The following GABBR2 variants were observed in gnomAD, a reference collection of about 807,000 sequenced individuals.
GABBR2 encodes gamma-aminobutyric acid type B receptor subunit 2, also known as G-protein coupled receptor 51.
Under a neutral mutation model 105.6 loss-of-function variants are expected in GABBR2, and 23 were observed. The ratio of observed to expected loss-of-function variants is 0.22; its 90% CI spans 0.16 to 0.31. The LOEUF (loss-of-function observed/expected upper bound fraction) is 0.31. Among genes scored for constraint, GABBR2 ranks in the 10% least tolerant of loss-of-function variants. GABBR2 has a pLI of 1.00. For synonymous variants in GABBR2, 478 were observed against 499.7 expected (o/e 0.96, Z 0.58); for missense variants, 734 against 1,245.5 (o/e 0.59, Z 6.18).
chr9:98,566,366 G>A (rs1380966608), intron 2 of GABBR2, among the ~76,000 whole-genome samples: 1 of 152,162 alleles, frequency 6.6e-6, no homozygotes, highest in Admixed American at 6.5e-5. Flanking sequence ...ATGAATTACA[G>A]GAATGATGTT....
intron 6 of GABBR2, among the ~76,000 whole-genome samples, chr9:98,466,586 G>T (rs1334752552): frequency 1.3e-5 from 2 of 152,016 alleles, no homozygotes; most frequent in African/African-American, 4.8e-5. Context: ...ATTAATATTT[G>T]TTGAGCACCT....
intron 13 of GABBR2, among the ~76,000 whole-genome samples, chr9:98,313,225 C>T (rs951809663): frequency 3.3e-5 from 5 of 152,164 alleles, no homozygotes; most frequent in African/African-American, 1.2e-4. Context: ...ACAACGATTC[C>T]AGCACTCCTT....
intron 1 of GABBR2, among the ~76,000 whole-genome samples, chr9:98,587,076 T>C (rs1202962682): frequency 6.6e-6 from 1 of 152,242 alleles, no homozygotes; most frequent in African/African-American, 2.4e-5. Context: ...TCCATATCCT[T>C]GCCAGCTTTA....
rs115412857 is a variant in GABBR2 at position 98,347,227 on chromosome 9, C to A, written c.1893+15488G>T. ...TATAAGAATTCTCTTTTTTCTGCATCCTTGCCAACATTTGTTACTTTTTGT... is the reference window on the plus strand; with the variant it reads ...TATAAGAATTCTCTTTTTTCTGCATACTTGCCAACATTTGTTACTTTTTGT... On this transcript the variant is annotated intron_variant, in intron 13 of 18. Coordinates refer to ENST00000259455, the MANE Select transcript of GABBR2 (RefSeq NM_005458.8). 4.1e-3 allele frequency among the ~76,000 whole-genome samples: 617 copies of A among 152,312 alleles called. 2 individuals are homozygous for A. The highest frequency in any genetic ancestry group is 0.013 in the African/African-American group (556 of 41,570).
chr9:98,527,016 A>G (rs1041263989), intron 3 of GABBR2, among the ~76,000 whole-genome samples: 8 of 151,236 alleles, frequency 5.3e-5, no homozygotes, highest in Non-Finnish European at 1.2e-4. Flanking sequence ...ATTTTAAAAT[A>G]TAACTCTAGA....
At position 98,388,755 on chromosome 9, in the gene GABBR2, T is replaced by G; in HGVS notation, c.1529+99A>C. ...TGGGAAACTCTGCCCTGCAGACTTCTGTGTCCCTGGGGAATCTGTCATGTG... is the reference window on the plus strand; with the variant it reads ...TGGGAAACTCTGCCCTGCAGACTTCGGTGTCCCTGGGGAATCTGTCATGTG... On this transcript the variant is annotated intron_variant, in intron 10 of 18. Coordinates refer to ENST00000259455, the MANE Select transcript of GABBR2 (RefSeq NM_005458.8). This position sits in a 1 kb window ranked among gnomAD's most constrained non-coding sequence, Gnocchi z 4.4. 1 of 982,494 alleles carries G rather than the reference T, an allele frequency of 1.0e-6. No homozygotes were observed. The highest frequency in any genetic ancestry group is 1.5e-6 in the Non-Finnish European group (1 of 662,072). 60.9% of individuals were successfully genotyped at this position (982,494 alleles called of 1,614,324 possible). A position where few individuals can be genotyped will look rare whatever the true frequency, so the allele number is the denominator to read the frequency against.
chr9:98,337,012 T>C (rs956937115), intron 13 of GABBR2, among the ~76,000 whole-genome samples: 1 of 151,976 alleles, frequency 6.6e-6, no homozygotes, highest in African/African-American at 2.4e-5. Context: ...TTCTAAAGAA[T>C]CCACCAAGAA....
intron 1 of GABBR2, among the ~76,000 whole-genome samples, chr9:98,699,342 AC>A (rs1371297131): frequency 2.0e-5 from 3 of 152,032 alleles, no homozygotes; most frequent in Non-Finnish European, 4.4e-5. Context: ...ACACCCAAGC[AC>A]CCTTTCCCCT....
chr9:98,605,858 T>C (rs1829409665), intron 1 of GABBR2, among the ~76,000 whole-genome samples: 1 of 152,190 alleles, frequency 6.6e-6, no homozygotes. Flanking sequence ...ATGTGCCATG[T>C]TGGTGTGCTG....
intron 1 of GABBR2, among the ~76,000 whole-genome samples, chr9:98,601,135 T>A (rs930402023): frequency 1.3e-5 from 2 of 152,198 alleles, no homozygotes; most frequent in African/African-American, 4.8e-5. Flanking sequence ...CAGACTGTCA[T>A]AAAACACACA....
chr9:98,648,627 A>G (rs368908538), intron 1 of GABBR2, among the ~76,000 whole-genome samples: 3 of 152,306 alleles, frequency 2.0e-5, no homozygotes, highest in African/African-American at 7.2e-5. Context: ...CTTCTGTCAC[A>G]TGATGGGTCT....
chr9:98,413,933 G>A (rs745855954), intron 7 of GABBR2, among the ~76,000 whole-genome samples: 6 of 152,314 alleles, frequency 3.9e-5, no homozygotes, highest in Middle Eastern at 3.4e-3. Context: ...TAAGAAGTAC[G>A]GGAAAAGTGA....
chr9:98,622,908 C>A (rs78645274), intron 1 of GABBR2, among the ~76,000 whole-genome samples: 1 of 152,176 alleles, frequency 6.6e-6, no homozygotes, highest in African/African-American at 2.4e-5. Context: ...TGTATCATTA[C>A]GTATTTGTCC....
intron 7 of GABBR2, among the ~76,000 whole-genome samples, chr9:98,425,745 C>T (rs1482193397): frequency 6.6e-6 from 1 of 152,150 alleles, no homozygotes; most frequent in African/African-American, 2.4e-5. Flanking sequence ...AGTGGCAGAG[C>T]TGGGATCCGA....
intron 13 of GABBR2, among the ~76,000 whole-genome samples, chr9:98,318,527 C>T (rs1001158929): frequency 4.0e-4 from 61 of 152,166 alleles, no homozygotes; most frequent in African/African-American, 1.3e-3. Flanking sequence ...TAGGGGTGGG[C>T]GAGGCAACAG....
At chr9:98,670,505 A>G (rs1463186741) in intron 1 of GABBR2, among the ~76,000 whole-genome samples, 2 of 152,258 alleles carry the variant, frequency 1.3e-5, no homozygotes, top group Non-Finnish European at 2.9e-5. Flanking sequence ...AATGGAAAGC[A>G]AGATTCCAAA....
intron 7 of GABBR2, among the ~76,000 whole-genome samples, chr9:98,447,796 G>A (rs1826162918): frequency 6.7e-6 from 1 of 150,302 alleles, no homozygotes; most frequent in Non-Finnish European, 1.5e-5. Flanking sequence ...CTCCTTTTAG[G>A]TAAAAAGTTG....
At chr9:98,648,266 G>T (rs753358328) in intron 1 of GABBR2, among the ~76,000 whole-genome samples, 24 of 151,878 alleles carry the variant, frequency 1.6e-4, no homozygotes, top group South Asian at 4.2e-4. Context: ...TGAGTAGCTG[G>T]GATTACAGGC....
At chr9:98,532,345 T>G (rs1186766734) in intron 3 of GABBR2, among the ~76,000 whole-genome samples, 1 of 152,312 alleles carries the variant, frequency 6.6e-6, no homozygotes, top group East Asian at 1.9e-4. Context: ...GGATGCTTGC[T>G]TGGGCAGGCA....
Sources: allele counts gnomAD v4.1 joint callset (sites outside exome capture counted in the v4.1 genomes callset), GRCh38; gene constraint gnomAD v4.1.1; non-coding constraint Gnocchi (gnomAD v3.1); transcripts MANE v1.5; gene names NCBI Gene and HGNC (gene_info 2026-07-23, HGNC 2026-07-21).